Variants in CTNNA3 observed in about 807,000 individuals in gnomAD.
CTNNA3 encodes catenin alpha-3.
A neutral mutation model predicts 95.7 loss-of-function variants in CTNNA3; 76 were observed. The ratio of observed to expected loss-of-function variants is 0.79; its 90% CI spans 0.66 to 0.96. The LOEUF (loss-of-function observed/expected upper bound fraction) is 0.96, where lower values mean the gene tolerates loss of function less well. Among genes scored for constraint, CTNNA3 ranks in the 40% least tolerant of loss-of-function variants. The pLI is 0.00. For synonymous variants in CTNNA3, 431 were observed against 374.4 expected, an observed-to-expected ratio of 1.15 and a Z score of -1.74; for missense variants, 1,191 against 1,089.8, an observed-to-expected ratio of 1.09 and a Z score of -1.31.
chr10:67,685,460 T>C (rs1273186533), intron 1 of CTNNA3, among the ~76,000 whole-genome samples: 1 of 152,240 alleles, frequency 6.6e-6, no homozygotes, highest in Non-Finnish European at 1.5e-5. Flanking sequence ...GGAGGAACCA[T>C]CTATCGTCCT....
At chr10:67,257,643 CG>C (rs1440965262) in intron 5 of CTNNA3, among the ~76,000 whole-genome samples, 1 of 152,050 alleles carries the variant, frequency 6.6e-6, no homozygotes, top group Admixed American at 6.6e-5. Flanking sequence ...TCTTAAACAG[CG>C]GGTGGACTAG....
intron 9 of CTNNA3, among the ~76,000 whole-genome samples, chr10:66,652,898 T>C (rs1313939982): frequency 6.6e-6 from 1 of 152,146 alleles, no homozygotes; most frequent in African/African-American, 2.4e-5. Flanking sequence ...AATATGATCA[T>C]GTCCATGGAT....
chr10:66,026,918 T>C (rs2079351585), intron 15 of CTNNA3, among the ~76,000 whole-genome samples: 1 of 152,138 alleles, frequency 6.6e-6, no homozygotes, highest in South Asian at 2.1e-4. Context: ...CAGTAGTAAA[T>C]AAATATTAGC....
chr10:67,176,818 A>G (rs1862262749), intron 7 of CTNNA3: 2 of 413,246 alleles, frequency 4.8e-6, no homozygotes, highest in Admixed American at 2.9e-5. Flanking sequence ...TTGCTGGCTT[A>G]GAAGATGGAG....
chr10:67,315,878 C>T (rs891730245), intron 5 of CTNNA3, among the ~76,000 whole-genome samples: 5 of 152,138 alleles, frequency 3.3e-5, no homozygotes, highest in Admixed American at 1.3e-4. Context: ...TAACTTTGTG[C>T]TCTACAAGCC....
chr10:66,972,265 C>T (rs1394432031), intron 7 of CTNNA3, among the ~76,000 whole-genome samples: 1 of 152,182 alleles, frequency 6.6e-6, no homozygotes, highest in African/African-American at 2.4e-5. Context: ...CAGAGTTCAA[C>T]TCCTTTACCC....
chr10:67,226,150 A>G (rs1328562217), intron 5 of CTNNA3, among the ~76,000 whole-genome samples: 2 of 152,210 alleles, frequency 1.3e-5, no homozygotes, highest in Non-Finnish European at 2.9e-5. Context: ...AGGTCTTCAA[A>G]TTAACCCAAT....
At chr10:66,902,502 C>G (rs1845796169) in intron 7 of CTNNA3, among the ~76,000 whole-genome samples, 1 of 152,062 alleles carries the variant, frequency 6.6e-6, no homozygotes, top group Non-Finnish European at 1.5e-5. Flanking sequence ...AATTCAAAAG[C>G]TAGCAGAAGG....
intron 2 of CTNNA3, among the ~76,000 whole-genome samples, chr10:67,642,714 C>G (rs921527821): frequency 2.8e-5 from 4 of 144,486 alleles, no homozygotes; most frequent in Non-Finnish European, 5.9e-5. Context: ...AAGACTCTGT[C>G]TCAAAAAAAA....
chr10:66,913,202 G>A (rs1846301186), intron 7 of CTNNA3, among the ~76,000 whole-genome samples: 1 of 118,772 alleles, frequency 8.4e-6, no homozygotes, highest in Non-Finnish European at 1.6e-5. Flanking sequence ...TCGCGCCACT[G>A]CAGTCCGGCC....
chr10:66,232,096 C>T (rs1203825048), intron 13 of CTNNA3, among the ~76,000 whole-genome samples: 1 of 152,126 alleles, frequency 6.6e-6, no homozygotes, highest in African/African-American at 2.4e-5. Flanking sequence ...AGAGTTAATC[C>T]TAAAGAGAGT....
chr10:66,963,659 A>T (rs1167915517), intron 7 of CTNNA3, among the ~76,000 whole-genome samples: 1 of 152,010 alleles, frequency 6.6e-6, no homozygotes, highest in Non-Finnish European at 1.5e-5. Flanking sequence ...TTTCAGGGTA[A>T]GGTATAGAGG....
intron 13 of CTNNA3, among the ~76,000 whole-genome samples, chr10:66,231,080 A>AT (rs2089565362): frequency 1.3e-5 from 2 of 151,932 alleles, no homozygotes; most frequent in Admixed American, 6.6e-5. Context: ...CCCAATGTGA[A>AT]TTTTCTTTCT....
At chr10:67,095,806 T>A (rs183187442) in intron 7 of CTNNA3, among the ~76,000 whole-genome samples, 1 of 151,970 alleles carries the variant, frequency 6.6e-6, no homozygotes, top group African/African-American at 2.4e-5. Flanking sequence ...GTGTACCCAG[T>A]AACAGTTCTA....
chr10:66,537,923 T>C (rs1382058457), intron 10 of CTNNA3, among the ~76,000 whole-genome samples: 2 of 152,118 alleles, frequency 1.3e-5, no homozygotes, highest in African/African-American at 2.4e-5. Flanking sequence ...TTTACTATAT[T>C]GAAAGGATAA....
At chr10:66,461,772 C>T (rs993757705) in intron 11 of CTNNA3, among the ~76,000 whole-genome samples, 63 of 150,476 alleles carry the variant, frequency 4.2e-4, no homozygotes, top group African/African-American at 1.5e-3. Flanking sequence ...GAGTGCTCTT[C>T]TCTTCCTTCT....
rs71474007 is a variant in CTNNA3, at chr10:66,024,085, ATTTTTTTT to A, written c.2160-35296_2160-35289del. Among the ~76,000 whole-genome samples the A allele has an allele frequency of 4.9e-3, 432 of 87,762 alleles. 16 individuals are homozygous for A. Among genetic ancestry groups the A allele is most frequent in the African/African-American group, 0.018 (409 of 23,122 alleles). 57.6% of individuals were successfully genotyped at this position (87,762 alleles called of 152,430 possible). ...TATCACAGAAACTTATACCATACAC[ATTTTTTTT>A]TTTTTTTTTTTTTTGAGACGGAGTC... On this transcript the variant is annotated intron_variant, in intron 15 of 17. Transcript: ENST00000433211.
rs1414649186 is a variant in CTNNA3 at position 66,958,594 on chromosome 10, TTTATTAAATACTTACAGAAAACAAA to T, written c.1048-183095_1048-183071del. Among the ~76,000 whole-genome samples the T allele has an allele frequency of 7.6e-4, 115 of 152,230 alleles. 1 individual carries two copies. The highest frequency in any genetic ancestry group is 2.7e-3 in the African/African-American group (111 of 41,540). On this transcript the variant is annotated intron_variant, in intron 7 of 17. Transcript: ENST00000433211. Reference sequence around the variant, plus strand: ...TAAGTAAGTAAGCGAATCCTGCCATTTTATTAAATACTTACAGAAAACAAAAGCAAAGCAAGCTTTAACTCAGCCG... The same window carrying T: ...TAAGTAAGTAAGCGAATCCTGCCATTAGCAAAGCAAGCTTTAACTCAGCCG...
At chr10:65,936,261 A>T (rs1038908571) in intron 17 of CTNNA3, among the ~76,000 whole-genome samples, 1 of 152,140 alleles carries the variant, frequency 6.6e-6, no homozygotes, top group African/African-American at 2.4e-5. Flanking sequence ...TCTGGTATTA[A>T]TGTAGTTAGG....
Sources: allele counts gnomAD v4.1 joint callset (sites outside exome capture counted in the v4.1 genomes callset), GRCh38; gene constraint gnomAD v4.1.1; transcripts MANE v1.5; gene names NCBI Gene and HGNC (gene_info 2026-07-23, HGNC 2026-07-21).